BRME1: variants seen among roughly 807,000 people sequenced by gnomAD.
The protein encoded by BRME1 is BRCA2 and MEILB2-associating protein 1.
A neutral mutation model predicts 52.6 loss-of-function variants in BRME1; 31 were observed. That is an observed-to-expected ratio of 0.59 (90% confidence interval 0.44 to 0.80). The LOEUF (loss-of-function observed/expected upper bound fraction) is 0.80. Ranked by LOEUF, BRME1 falls within the 30% of genes least tolerant of loss-of-function variation. BRME1 has a pLI of 0.00. For synonymous variants in BRME1, 359 were observed against 353.6 expected (o/e 1.02, Z -0.17); for missense variants, 804 against 860.3 (o/e 0.93, Z 0.82).
Position 13,895,368 on chromosome 19 carries a change from C to G in BRME1, c.206+4G>C. The G allele has an allele frequency of 6.2e-7, 1 of 1,611,646 alleles. No homozygotes were observed. The highest frequency in any genetic ancestry group is 8.5e-7 in the Non-Finnish European group (1 of 1,179,302). On this transcript the variant is annotated splice_donor_region_variant and intron_variant, in intron 3 of 8. Coordinates refer to ENST00000586783, the MANE Select transcript of BRME1 (RefSeq NM_001345843.2). ...GACCTGCCGGAATGTTCAGAGCCAC[C>G]TACCTGGAGACGGCCTTTCCTGGTT... is the stretch of plus-strand genomic sequence containing the variant.
chr19:13,899,950 C>T (rs1970188283), intron 2 of BRME1, among the ~76,000 whole-genome samples: 1 of 152,100 alleles, frequency 6.6e-6, no homozygotes, highest in Non-Finnish European at 1.5e-5. Context: ...TGCAGTAAGC[C>T]AAGACTGCAC....
chr19:13,901,814 G>A (rs1477325116), intron 2 of BRME1, among the ~76,000 whole-genome samples: 1 of 152,036 alleles, frequency 6.6e-6, no homozygotes, highest in Non-Finnish European at 1.5e-5. Context: ...CAAGGCAGGT[G>A]GACTGCTGGA....
rs148968932 is a variant in BRME1, at chr19:13,895,388, C to T, written c.190G>A (p.Gly64Arg). ...GCCACCTACCTGGAGACGGCCTTTC[C>T]TGGTTCCTCCCCGTGCTGCTGTGTA... ...PSTQQHGEEP[G>R]KAVSSSPDEE... is the part of the protein sequence containing the mutation. The change falls in exon 3 of 9, where the codon GGA (glycine) becomes AGA (arginine). Residue 64 changes from glycine (G) to arginine (R), a missense_variant. Gly to Arg is a moderately radical substitution (Grantham distance 125). This residue lies in a region of BRME1 where 234 missense variants were observed against 258.1 expected (regional missense o/e 0.91). Transcript: ENST00000586783. 8.9e-4 allele frequency: 1,434 copies of T among 1,613,256 alleles called. 1 individual carries two copies. The highest frequency in any genetic ancestry group is 1.1e-3 in the Non-Finnish European group (1,316 of 1,179,818).
Position 13,890,997 on chromosome 19 carries a change from G to A in BRME1, c.394-535C>T, listed in dbSNP as rs540402733. Among the ~76,000 whole-genome samples the A allele has an allele frequency of 1.1e-4, 16 of 152,166 alleles. No homozygotes were observed. In the South Asian group the frequency reaches 2.7e-3, roughly 26 times the overall value. ...GGAAATAGGCATCAGTACCAGGGCC[G>A]GCGACTGGAGGGGGATCTGGAAGCA... On this transcript the variant is annotated intron_variant, in intron 5 of 8. Transcript: ENST00000586783.
intron 1 of BRME1, among the ~76,000 whole-genome samples, 165 bp downstream of exon 1, chr19:13,905,550 C>T (rs529990024): frequency 1.5e-4 from 23 of 151,888 alleles, no homozygotes; most frequent in African/African-American, 4.1e-4. Flanking sequence ...GGCACACACC[C>T]GTAATCCCAG....
chr19:13,882,782 AAC>A lies in BRME1; in HGVS notation c.*18_*19del, dbSNP rs1196228543. 1.2e-6 allele frequency: 2 copies of A among 1,612,946 alleles called. No homozygotes were observed. The highest frequency in any genetic ancestry group is 2.2e-5 in the East Asian group (1 of 44,888). ...GACATGGGGGCTGGGTGGCAAAGGAAACACAGACCTCAAAGTGGCCTACAACT... is the reference window on the plus strand; with the variant it reads ...GACATGGGGGCTGGGTGGCAAAGGAAACAGACCTCAAAGTGGCCTACAACT... On this transcript the variant is annotated 3_prime_UTR_variant, in exon 9 of 9. Coordinates refer to ENST00000586783, the MANE Select transcript of BRME1 (RefSeq NM_001345843.2).
rs759305724 is a variant in BRME1, at chr19:13,885,971, C to T, written c.1753G>A (p.Ala585Thr). ...CCACGCCACACCTACCTCGGCTGGGCCTTGGCCACTGCAACAGGGTCTCCA... is the reference window on the plus strand; with the variant it reads ...CCACGCCACACCTACCTCGGCTGGGTCTTGGCCACTGCAACAGGGTCTCCA... ...ANGDPVAVAK[A>T]QPRTFVGIQA... Residue 585 changes from alanine to threonine, a missense_variant, in exon 7 of 9, where the codon GCC (alanine) becomes ACC (threonine). Physicochemically the swap from Ala to Thr is moderately conservative, Grantham distance 58. Transcript: ENST00000586783. 13 of 1,613,890 alleles carry T rather than the reference C, an allele frequency of 8.1e-6. No individual in the cohort carries two copies. The highest frequency in any genetic ancestry group is 1.6e-4 in the Middle Eastern group (1 of 6,062).
intron 1 of BRME1, among the ~76,000 whole-genome samples, chr19:13,905,226 C>G (rs11883137): frequency 1.3e-5 from 2 of 152,116 alleles, no homozygotes; most frequent in African/African-American, 2.4e-5. Flanking sequence ...ATGAAACAGC[C>G]TGTGTGAAGC....
intron 2 of BRME1, among the ~76,000 whole-genome samples, chr19:13,897,946 A>G (rs1389768689): frequency 2.0e-5 from 3 of 152,008 alleles, no homozygotes; most frequent in African/African-American, 7.3e-5. Context: ...TAAAAATGCA[A>G]AAGTTAGCTG....
chr19:13,890,388 C>T lies in BRME1; in HGVS notation c.468G>A (p.Gln156=), dbSNP rs142351146. The T allele has an allele frequency of 1.6e-5, 25 of 1,535,478 alleles. No homozygotes were observed. The highest frequency in any genetic ancestry group is 2.0e-5 in the Non-Finnish European group (23 of 1,147,730). ...LLVETLGVPL[Q]EATELGDPTQ... ...TTGGGTCCCCCAGCTCCGTGGCCTC[C>T]TGGAGGGGGACCCCCAGGGTCTCCA... Residue 156 remains glutamine (Q), a synonymous_variant, in exon 6 of 9, where the codon CAG becomes CAA. Transcript: ENST00000586783.
At position 13,889,523 on chromosome 19, in the gene BRME1, A is replaced by C; in HGVS notation, c.1333T>G (p.Cys445Gly). The C allele has an allele frequency of 6.2e-7, 1 of 1,613,822 alleles. No individual in the cohort carries two copies. Among genetic ancestry groups the C allele is most frequent in the Non-Finnish European group, 8.5e-7 (1 of 1,180,004 alleles). Residue 445 changes from cysteine (C) to glycine (G), a missense_variant, in exon 6 of 9, where the codon TGT (cysteine) becomes GGT (glycine). Around this residue, in one of 3 missense-constraint regions of BRME1, gnomAD observed 552 missense variants for 561.1 expected, o/e 0.98. Transcript: ENST00000586783. Reference protein sequence around the residue: ...SGHASPDTGPCVNQKQEPGPA... With the variant: ...SGHASPDTGPGVNQKQEPGPA... Reference sequence around the variant, plus strand: ...CCTGGCTCCTGCTTCTGATTGACACATGGACCTGTGTCCGGGGATGCATGA... The same window carrying C: ...CCTGGCTCCTGCTTCTGATTGACACCTGGACCTGTGTCCGGGGATGCATGA...
At position 13,886,004 on chromosome 19, in the gene BRME1, G is replaced by A. The variant is rs757352628; in HGVS notation, c.1720C>T (p.His574Tyr). ...PGPCWPGPSSHANGDPVAVAK... is the reference protein window; with the variant it reads ...PGPCWPGPSSYANGDPVAVAK... ...ACTGCAACAGGGTCTCCATTGGCATGTGAGCTGGGGCCCGGCCAGCAAGGG... is the reference window on the plus strand; with the variant it reads ...ACTGCAACAGGGTCTCCATTGGCATATGAGCTGGGGCCCGGCCAGCAAGGG... Residue 574 changes from histidine (H) to tyrosine (Y), a missense_variant, in exon 7 of 9, where the codon CAT (histidine) becomes TAT (tyrosine). Physicochemically the swap from His to Tyr is moderately conservative, Grantham distance 83. Transcript: ENST00000586783. 18 of 1,613,920 alleles carry A rather than the reference G, an allele frequency of 1.1e-5. No individual in the cohort carries two copies. The African/African-American group carries it at 2.0e-4, about 18-fold the overall frequency.
At chr19:13,899,117 C>T (rs530494342) in intron 2 of BRME1, among the ~76,000 whole-genome samples, 1 of 151,216 alleles carries the variant, frequency 6.6e-6, no homozygotes, top group East Asian at 1.9e-4. Flanking sequence ...CCACAGCAAT[C>T]TTCCTGTAAT....
In BRME1 at chr19:13,889,308, C is replaced by A. The variant is rs140619176; in HGVS notation, c.1548G>T (p.Leu516=). Residue 516 remains leucine (L), a synonymous_variant, in exon 6 of 9, where the codon CTG becomes CTT. Transcript: ENST00000586783. ...AGGTGCCCTGGTCTGCAGAATGAGG[C>A]AGGTGGTCTCGCTGCCCTGCCAGCT... ...TSELAGQRDH[L]PHSADQGTWA... is the part of the protein sequence containing the mutation. 1.5e-5 allele frequency: 25 copies of A among 1,614,034 alleles called. No homozygotes were observed. The highest frequency in any genetic ancestry group is 1.9e-5 in the Non-Finnish European group (22 of 1,180,044).
Position 13,889,766 on chromosome 19 carries a change from T to G in BRME1, c.1090A>C (p.Ser364Arg). 6.2e-7 allele frequency: 1 copy of G among 1,611,470 alleles called. No individual in the cohort carries two copies. Among genetic ancestry groups the G allele is most frequent in the East Asian group, 2.2e-5 (1 of 44,872 alleles). Residue 364 changes from serine (S) to arginine (R), a missense_variant, in exon 6 of 9, where the codon AGT becomes CGT. By Grantham distance (110) the Ser-to-Arg change is moderately radical. This residue lies in a region of BRME1 where 552 missense variants were observed against 561.1 expected (regional missense o/e 0.98). Coordinates refer to ENST00000586783, the MANE Select transcript of BRME1 (RefSeq NM_001345843.2). The stretch of plus-strand genomic sequence containing the variant: ...CTGGGAGAGGCAGGTGATATGGCAC[T>G]GGCCTGCCCATCGGGCCCAGCCACC... Reference protein sequence around the residue: ...LEVAGPDGQASAISPASPRRK... With the variant: ...LEVAGPDGQARAISPASPRRK...
chr19:13,904,072 C>T (rs937980434), intron 2 of BRME1, among the ~76,000 whole-genome samples: 2 of 152,092 alleles, frequency 1.3e-5, no homozygotes, highest in Non-Finnish European at 2.9e-5. Flanking sequence ...TTTTACTTTT[C>T]CTGTATGCCC....
chr19:13,894,634 A>G (rs2145185095), intron 3 of BRME1, among the ~76,000 whole-genome samples: 1 of 152,262 alleles, frequency 6.6e-6, no homozygotes, highest in East Asian at 1.9e-4. Context: ...GCTCCTCTTG[A>G]ACTCCTGGGC....
chr19:13,902,783 A>G (rs1020053268), intron 2 of BRME1, among the ~76,000 whole-genome samples: 2 of 146,908 alleles, frequency 1.4e-5, no homozygotes, highest in African/African-American at 2.5e-5. Context: ...AAATTAGCTC[A>G]GCATGGTGGT....
At chr19:13,887,524 C>T (rs900897494) in intron 6 of BRME1, among the ~76,000 whole-genome samples, 45 of 152,212 alleles carry the variant, frequency 3.0e-4, no homozygotes, top group African/African-American at 1.0e-3. Context: ...AGGGGCTTCA[C>T]CTGCTGGATG....
Sources: allele counts gnomAD v4.1 joint callset (sites outside exome capture counted in the v4.1 genomes callset), GRCh38; gene constraint gnomAD v4.1.1; regional missense constraint gnomAD v4.1.1; transcripts MANE v1.5; gene names NCBI Gene and HGNC (gene_info 2026-07-23, HGNC 2026-07-21).